FXYD6: variants seen among roughly 807,000 people sequenced by gnomAD.
FXYD6 encodes the protein FXYD domain containing ion transport regulator 6.
FXYD6 carries 7 observed loss-of-function variants against 16.7 expected under a neutral mutation model. That is an observed-to-expected ratio of 0.42 (90% confidence interval 0.24 to 0.79). FXYD6 has a LOEUF of 0.79. Ranked by LOEUF, FXYD6 falls within the 30% of genes least tolerant of loss-of-function variation. The pLI is 0.28. For missense variants in FXYD6, 111 were observed against 116.2 expected, an observed-to-expected ratio of 0.95 and a Z score of 0.21; for synonymous variants, 49 against 43.0, an observed-to-expected ratio of 1.14 and a Z score of -0.54.
Position 117,872,800 on chromosome 11 carries a change from G to A in FXYD6, c.-6+3792C>T, listed in dbSNP as rs142093814. Among the ~76,000 whole-genome samples, 781 of 152,282 alleles carry A rather than the reference G, an allele frequency of 5.1e-3. 8 individuals carry two copies. Among genetic ancestry groups the A allele is most frequent in the African/African-American group, 0.018 (730 of 41,544 alleles). ...CCCAGGTCGGGACCTCTCCCTCCCC[G>A]GATTCTGGAGCAGAGATGATGCTGC... On this transcript the variant is annotated intron_variant, in intron 1 of 7. Coordinates refer to ENST00000526014, the MANE Select transcript of FXYD6 (RefSeq NM_022003.4). This position sits in a 1 kb window ranked among gnomAD's most constrained non-coding sequence, Gnocchi z 4.9.
intron 1 of FXYD6, among the ~76,000 whole-genome samples, chr11:117,857,039 C>A (rs183325097): frequency 2.2e-4 from 33 of 150,420 alleles, no homozygotes; most frequent in African/African-American, 8.3e-4. Context: ...CTGGCTGGAG[C>A]CAGGGAAGAG....
chr11:117,868,186 G>A (rs1480375729), intron 1 of FXYD6, among the ~76,000 whole-genome samples: 3 of 152,274 alleles, frequency 2.0e-5, no homozygotes, highest in African/African-American at 2.4e-5. Context: ...CTGGGATGGT[G>A]AGGACGGCCG....
At chr11:117,848,365 T>G (rs2056523311) in intron 1 of FXYD6, among the ~76,000 whole-genome samples, 1 of 152,094 alleles carries the variant, frequency 6.6e-6, no homozygotes, top group East Asian at 1.9e-4. Context: ...TATCAAGTGT[T>G]AAATCATCCC....
chr11:117,851,637 T>G (rs1375553070), intron 1 of FXYD6, among the ~76,000 whole-genome samples: 1 of 152,268 alleles, frequency 6.6e-6, no homozygotes. Context: ...TGTTCACCAT[T>G]GTTTTTGAAC....
intron 1 of FXYD6, among the ~76,000 whole-genome samples, chr11:117,866,327 A>G (rs1276908493): frequency 6.6e-6 from 1 of 152,120 alleles, no homozygotes; most frequent in African/African-American, 2.4e-5. Flanking sequence ...CTAAAAAAAA[A>G]CTGGGGGGGA....
In FXYD6 at chr11:117,840,031, G is replaced by A. The variant is rs113095781; in HGVS notation, c.260-201C>T. The A allele has an allele frequency of 9.3e-4, 641 of 688,948 alleles. 8 individuals are homozygous for A. The African/African-American group carries it at 0.01, about 11-fold the overall frequency. The allele number at this position is 688,948 out of a possible 1,614,324, so 42.7% of individuals were successfully genotyped here. On this transcript the variant is annotated intron_variant, in intron 6 of 7. Coordinates refer to ENST00000526014, the MANE Select transcript of FXYD6 (RefSeq NM_022003.4). ...ACCTGGTAACCTCTCTCAGTCCCTC[G>A]GTTACAAAATGGGGACAATGATGCC...
At chr11:117,876,736 G>C (rs1276768557), upstream of FXYD6, 1 of 151,476 alleles carries the variant, frequency 6.6e-6, no homozygotes, top group African/African-American at 2.4e-5. Flanking sequence ...GGCTGGCTGG[G>C]AGGCGCGTCC....
In FXYD6 at chr11:117,840,381, G is replaced by C. The variant is rs1250770006; in HGVS notation, c.210-13C>G. 6.2e-7 allele frequency: 1 copy of C among 1,613,998 alleles called. No individual in the cohort carries two copies. The highest frequency in any genetic ancestry group is 8.5e-7 in the Non-Finnish European group (1 of 1,180,012). ...ATCTCCTGGGGCCCTGCAGGAGAAA[G>C]AGACACACAGCCCCATCAGAGATCT... is the stretch of plus-strand genomic sequence containing the variant. On this transcript the variant is annotated splice_polypyrimidine_tract_variant and intron_variant, in intron 5 of 7. Coordinates refer to ENST00000526014, the MANE Select transcript of FXYD6 (RefSeq NM_022003.4).
chr11:117,873,546 C>A (rs2057186064), intron 1 of FXYD6, among the ~76,000 whole-genome samples: 1 of 152,248 alleles, frequency 6.6e-6, no homozygotes, highest in Non-Finnish European at 1.5e-5. Flanking sequence ...GGGCTAGAAC[C>A]CGGCCTTTCC....
At chr11:117,856,980 A>C (rs1291912316) in intron 1 of FXYD6, among the ~76,000 whole-genome samples, 2 of 151,750 alleles carry the variant, frequency 1.3e-5, no homozygotes, top group Non-Finnish European at 2.9e-5. Flanking sequence ...GGAGGAACAG[A>C]GGGAAGGAAG....
intron 6 of FXYD6, 138 bp downstream of exon 6, chr11:117,840,181 G>A: frequency 9.3e-7 from 1 of 1,078,456 alleles, no homozygotes; most frequent in South Asian, 1.4e-5. Flanking sequence ...ATGCTGCAGA[G>A]GCCCTGGAGA....
At position 117,870,739 on chromosome 11, in the gene FXYD6, C is replaced by T. The variant is rs892118096; in HGVS notation, c.-6+5853G>A. ...TGTTGACCTGACTCTGTCTCTGTTT[C>T]AGGAAACACATTATCCCCTCCCTCC... is the stretch of plus-strand genomic sequence containing the variant. On this transcript the variant is annotated intron_variant, in intron 1 of 7. Transcript: ENST00000526014. This position sits in a 1 kb window ranked among gnomAD's most constrained non-coding sequence, Gnocchi z 4.2. Among the ~76,000 whole-genome samples, 5 of 152,160 alleles carry T rather than the reference C, an allele frequency of 3.3e-5. No homozygotes were observed. The highest frequency in any genetic ancestry group is 3.3e-4 in the Admixed American group (5 of 15,282).
chr11:117,841,609 T>C, intron 4 of FXYD6, 182 bp downstream of exon 4: 1 of 648,110 alleles, frequency 1.5e-6, no homozygotes. Context: ...TGTTCCCGTG[T>C]CACTGTTTTA....
At chr11:117,867,586 C>T (rs958443640) in intron 1 of FXYD6, among the ~76,000 whole-genome samples, 3 of 152,062 alleles carry the variant, frequency 2.0e-5, no homozygotes, top group African/African-American at 7.2e-5. Flanking sequence ...GGTGCCTCTA[C>T]GTCCTATTTA....
upstream of FXYD6, chr11:117,876,914 C>G (rs143049161): frequency 6.6e-6 from 1 of 152,226 alleles, no homozygotes; most frequent in African/African-American, 2.4e-5. Context: ...TCTCTCCTCT[C>G]GAGGGGCGGA....
At chr11:117,850,339 T>C (rs373901590) in intron 1 of FXYD6, among the ~76,000 whole-genome samples, 1 of 151,954 alleles carries the variant, frequency 6.6e-6, no homozygotes, top group Non-Finnish European at 1.5e-5. Context: ...TTCTAACAGA[T>C]AGTTTAAAAC....
At chr11:117,868,032 G>A (rs527548423) in intron 1 of FXYD6, among the ~76,000 whole-genome samples, 9 of 152,266 alleles carry the variant, frequency 5.9e-5, no homozygotes, top group African/African-American at 1.4e-4. Context: ...GCCACTCCAC[G>A]TAGACCCCTT....
intron 1 of FXYD6, among the ~76,000 whole-genome samples, chr11:117,866,082 T>C (rs993710364): frequency 1.1e-4 from 17 of 151,924 alleles, no homozygotes; most frequent in African/African-American, 3.6e-4. Context: ...ATGAGGCACG[T>C]AGAGTAGTCA....
chr11:117,852,714 C>A (rs573413743), intron 1 of FXYD6, among the ~76,000 whole-genome samples: 27 of 152,340 alleles, frequency 1.8e-4, no homozygotes, highest in Middle Eastern at 3.4e-3. Context: ...AATATGGCCT[C>A]TCCTCCATTC....
Sources: allele counts gnomAD v4.1 joint callset (sites outside exome capture counted in the v4.1 genomes callset), GRCh38; gene constraint gnomAD v4.1.1; non-coding constraint Gnocchi (gnomAD v3.1); transcripts MANE v1.5; gene names NCBI Gene and HGNC (gene_info 2026-07-23, HGNC 2026-07-21).